The following TAF1C variants were observed in gnomAD, a reference collection of about 807,000 sequenced individuals.
TAF1C encodes the protein TATA-box binding protein associated factor, RNA polymerase I subunit C, also known as TATA box-binding protein-associated factor RNA polymerase I subunit C.
A neutral mutation model predicts 70.5 loss-of-function variants in TAF1C; 79 were observed. The ratio of observed to expected loss-of-function variants is 1.12; its 90% CI spans 0.93 to 1.35. The LOEUF is 1.35. Among genes scored for constraint, TAF1C ranks in the 40% most tolerant of loss-of-function variants. The pLI, the probability that TAF1C is intolerant of heterozygous loss-of-function variation, is 0.00. For missense variants in TAF1C, 1,412 were observed against 1,127.8 expected (o/e 1.25, Z -3.61); for synonymous variants, 614 against 491.1 (o/e 1.25, Z -3.31).
rs779954829 is a variant in TAF1C at position 84,183,372 on chromosome 16, C to G, written c.318+38G>C. Reference sequence around the variant, plus strand: ...GAGGCCAGGTCACTAAGCACAGTCTCCAGGCTACGCAGCACTGTCCCCCGT... The same window carrying G: ...GAGGCCAGGTCACTAAGCACAGTCTGCAGGCTACGCAGCACTGTCCCCCGT... On this transcript the variant is annotated intron_variant, in intron 4 of 14. Transcript: ENST00000566732. The G allele has an allele frequency of 6.8e-6, 11 of 1,613,782 alleles. No homozygotes were observed. The South Asian group carries it at 8.8e-5, about 13-fold the overall frequency.
chr16:84,186,354 G>A (rs1266125212), intron 1 of TAF1C, among the ~76,000 whole-genome samples: 3 of 152,194 alleles, frequency 2.0e-5, no homozygotes, highest in African/African-American at 4.8e-5. Context: ...AGAAGTTTGA[G>A]ACCAGTCCGG....
rs764266270 is a variant in TAF1C, at chr16:84,179,938, C to T, written c.1621+8G>A. 9.3e-6 allele frequency: 15 copies of T among 1,612,214 alleles called. No individual in the cohort carries two copies. Among genetic ancestry groups the T allele is most frequent in the African/African-American group, 1.3e-5 (1 of 74,888 alleles). On this transcript the variant is annotated splice_region_variant and intron_variant, in intron 14 of 14. Transcript: ENST00000566732. ...CGCCCCCCAAGCTCACTCCCCCACCCAGCACACCTATGGTCGGTGCTTTCA... is the reference window on the plus strand; with the variant it reads ...CGCCCCCCAAGCTCACTCCCCCACCTAGCACACCTATGGTCGGTGCTTTCA...
At chr16:84,185,915 T>A (rs1223864818) in intron 1 of TAF1C, among the ~76,000 whole-genome samples, 1 of 151,696 alleles carries the variant, frequency 6.6e-6, no homozygotes, top group Non-Finnish European at 1.5e-5. Flanking sequence ...AAAAAAAAAA[T>A]TACATCACAA....
chr16:84,177,888 C>G lies in TAF1C; in HGVS notation c.*1053G>C. Reference sequence around the variant, plus strand: ...ATAAATGGTTTAATCATAAATGTCTCCCTTAGGCATGATAAACATTTTAAC... The same window carrying G: ...ATAAATGGTTTAATCATAAATGTCTGCCTTAGGCATGATAAACATTTTAAC... On this transcript the variant is annotated 3_prime_UTR_variant, in exon 15 of 15. Transcript: ENST00000566732. 6.7e-7 allele frequency: 1 copy of G among 1,482,578 alleles called. No homozygotes were observed. The highest frequency in any genetic ancestry group is 9.4e-7 in the Non-Finnish European group (1 of 1,060,528). The allele number at this position is 1,482,578 out of a possible 1,614,324, so 91.8% of individuals were successfully genotyped here. A position where few individuals can be genotyped will look rare whatever the true frequency, so the allele number is the denominator to read the frequency against.
chr16:84,182,958 C>T lies in TAF1C; in HGVS notation c.482+118G>A. The T allele has an allele frequency of 1.0e-6, 1 of 993,984 alleles. No homozygotes were observed. Among genetic ancestry groups the T allele is most frequent in the Middle Eastern group, 2.1e-4 (1 of 4,788 alleles). 61.6% of individuals were successfully genotyped at this position (993,984 alleles called of 1,614,324 possible). On this transcript the variant is annotated intron_variant, in intron 6 of 14. Coordinates refer to ENST00000566732, the MANE Select transcript of TAF1C (RefSeq NM_001243156.2). This position sits in a 1 kb window ranked among gnomAD's most constrained non-coding sequence, Gnocchi z 5.0. ...CTGGTATAAGAAAGTACAGCTCAGA[C>T]TGCATGGAGCAGGGGGGAAGTGGGT...
Position 84,183,240 on chromosome 16 carries a change from T to C in TAF1C, c.408+4A>G. The C allele has an allele frequency of 1.2e-6, 2 of 1,613,956 alleles. No individual in the cohort carries two copies. The highest frequency in any genetic ancestry group is 1.7e-6 in the Non-Finnish European group (2 of 1,180,002). The stretch of plus-strand genomic sequence containing the variant: ...CCCCACCCCTGGAGTCACGGGCCAC[T>C]CACCCCCGCTCCCTCCAGCTTGAAA... On this transcript the variant is annotated splice_donor_region_variant and intron_variant, in intron 5 of 14. Transcript: ENST00000566732.
rs2088999319 is a variant in TAF1C at position 84,179,643 on chromosome 16, G to A, written c.1830C>T (p.Cys610=). The change falls in exon 15 of 15, where the codon TGC becomes TGT. Residue 610 remains cysteine (C), a synonymous_variant. Transcript: ENST00000566732. ...TTAGCAGGGCCTTCAGCCACTGGCT[G>A]CAGCCGGCAGTGTCCTGGGAGGTCC... ...ASWTSQDTAG[C]SQWLKALLKV... 2 of 1,612,484 alleles carry A rather than the reference G, an allele frequency of 1.2e-6. No homozygotes were observed. The highest frequency in any genetic ancestry group is 1.7e-6 in the Non-Finnish European group (2 of 1,179,880).
At chr16:84,184,691 G>A (rs1409037552) in intron 2 of TAF1C, among the ~76,000 whole-genome samples, 160 bp downstream of exon 2, 1 of 152,182 alleles carries the variant, frequency 6.6e-6, no homozygotes, top group Non-Finnish European at 1.5e-5. Context: ...GGATGGCAGG[G>A]TAGCCCATGT....
chr16:84,179,041 T>A lies in TAF1C; in HGVS notation c.2432A>T (p.His811Leu). 1 of 1,609,588 alleles carries A rather than the reference T, an allele frequency of 6.2e-7. No individual in the cohort carries two copies. Among genetic ancestry groups the A allele is most frequent in the Non-Finnish European group, 8.5e-7 (1 of 1,179,604 alleles). Residue 811 changes from histidine to leucine, a missense_variant, in exon 15 of 15, where the codon CAC becomes CTC. Transcript: ENST00000566732. ...DTPGCATTPP[H>L]SQASSVRATR... ...GGCCCGGACGCTGGAGGCCTGGGAG[T>A]GGGGAGGTGTGGTGGCACAGCCTGG...
chr16:84,180,684 G>T, intron 12 of TAF1C: 1 of 818,858 alleles, frequency 1.2e-6, no homozygotes, highest in Non-Finnish European at 1.7e-6. Context: ...GCACGCCTAC[G>T]AATGTCCCCG....
chr16:84,183,668 G>C (rs4150136), intron 3 of TAF1C, 29 bp downstream of exon 3: 44,344 of 1,598,324 alleles, frequency 0.028, 748 homozygotes, highest in Middle Eastern at 0.054. Flanking sequence ...GAGCAGTGTG[G>C]AGTGAGCCCG....
chr16:84,178,765 C>A lies in TAF1C; in HGVS notation c.*176G>T. On this transcript the variant is annotated 3_prime_UTR_variant, in exon 15 of 15. Transcript: ENST00000566732. The stretch of plus-strand genomic sequence containing the variant: ...ATACAAAATACAAAAGAAACTACTA[C>A]TGTATTTTGTTGCCCTGTCCCTTCA... The A allele has an allele frequency of 1.6e-6, 1 of 642,240 alleles. No homozygotes were observed. The highest frequency in any genetic ancestry group is 2.6e-6 in the Non-Finnish European group (1 of 378,780). The allele number at this position is 642,240 out of a possible 1,614,324, so 39.8% of individuals were successfully genotyped here. A position where few individuals can be genotyped will look rare whatever the true frequency, so the allele number is the denominator to read the frequency against.
Position 84,181,827 on chromosome 16 carries a change from A to G in TAF1C, c.875T>C (p.Val292Ala). The G allele has an allele frequency of 6.2e-7, 1 of 1,614,060 alleles. No individual in the cohort carries two copies. The highest frequency in any genetic ancestry group is 8.5e-7 in the Non-Finnish European group (1 of 1,180,024). The stretch of plus-strand genomic sequence containing the variant: ...CTGCCACTGTTTACCAAACTTCCAC[A>G]CGGCACAGTGGTAGTCAGAGCGGAC... ...LAVRSDYHCA[V>A]WKFGKQWQPT... Residue 292 changes from valine (V) to alanine (A), a missense_variant, in exon 9 of 15, where the codon GTG (valine) becomes GCG (alanine). Coordinates refer to ENST00000566732, the MANE Select transcript of TAF1C (RefSeq NM_001243156.2).
intron 2 of TAF1C, among the ~76,000 whole-genome samples, chr16:84,184,533 T>A (rs534720880): frequency 6.6e-6 from 1 of 152,332 alleles, no homozygotes; most frequent in East Asian, 1.9e-4. Context: ...TCACATTTTG[T>A]AAACACCTTA....
In TAF1C at chr16:84,181,107, G is replaced by C. The variant is rs912396377; in HGVS notation, c.1244C>G (p.Thr415Ser). The C allele has an allele frequency of 1.2e-6, 2 of 1,613,324 alleles. No homozygotes were observed. The highest frequency in any genetic ancestry group is 1.7e-6 in the Non-Finnish European group (2 of 1,179,394). ...GGGGCTGGAGTGCCCCAGGTACTGG[G>C]TAAGCAGGACACGTTCCCCTTTCTG... ...SCQKGERVLLTQYLGHSSPKC... is the reference protein window; with the variant it reads ...SCQKGERVLLSQYLGHSSPKC... Residue 415 changes from threonine (T) to serine (S), a missense_variant, in exon 12 of 15, where the codon ACC becomes AGC. Thr to Ser is a moderately conservative substitution (Grantham distance 58, BLOSUM62 1). Transcript: ENST00000566732.
intron 1 of TAF1C, among the ~76,000 whole-genome samples, chr16:84,186,345 G>T (rs1215012429): frequency 6.6e-6 from 1 of 152,230 alleles, no homozygotes; most frequent in East Asian, 1.9e-4. Flanking sequence ...CCTGAGGCCA[G>T]AAGTTTGAGA....
chr16:84,182,445 G>T lies in TAF1C; in HGVS notation c.483-5C>A. On this transcript the variant is annotated splice_polypyrimidine_tract_variant and splice_region_variant and intron_variant, in intron 6 of 14. Coordinates refer to ENST00000566732, the MANE Select transcript of TAF1C (RefSeq NM_001243156.2). The surrounding 1 kb of genome is among the most constrained non-coding windows in gnomAD (Gnocchi z 5.0). ...CTGAGGTAAGCCCAGGGACACCTGG[G>T]GACCAGAGAACAGCAGGAGGATCAC... 6.3e-7 allele frequency: 1 copy of T among 1,597,432 alleles called. No individual in the cohort carries two copies.
Position 84,181,340 on chromosome 16 carries a change from C to T in TAF1C, c.1152G>A (p.Met384Ile), listed in dbSNP as rs778982654. 9.3e-6 allele frequency: 15 copies of T among 1,613,594 alleles called. No individual in the cohort carries two copies. In the East Asian group the frequency reaches 3.1e-4, roughly 34 times the overall value. ...LTVGDRTGVKMLDTQGPPGCG... is the reference protein window; with the variant it reads ...LTVGDRTGVKILDTQGPPGCG... ...CGCCAGCCCGTACCTGAGTGTCCAG[C>T]ATCTTCACTCCGGTGCGGTCACCCA... Residue 384 changes from methionine (M) to isoleucine (I), a missense_variant, in exon 11 of 15, where the codon ATG becomes ATA. Coordinates refer to ENST00000566732, the MANE Select transcript of TAF1C (RefSeq NM_001243156.2).
chr16:84,178,795 G>T lies in TAF1C; in HGVS notation c.*146C>A. 3 of 806,824 alleles carry T rather than the reference G, an allele frequency of 3.7e-6. No individual in the cohort carries two copies. Among genetic ancestry groups the T allele is most frequent in the Non-Finnish European group, 5.7e-6 (3 of 523,026 alleles). 50.0% of individuals were successfully genotyped at this position (806,824 alleles called of 1,614,324 possible). On this transcript the variant is annotated 3_prime_UTR_variant, in exon 15 of 15. Coordinates refer to ENST00000566732, the MANE Select transcript of TAF1C (RefSeq NM_001243156.2). ...TTTTGTTGCCCTGTCCCTTCAACTT[G>T]GCTCCAAATTGCTTGGCTCATCATC... is the stretch of plus-strand genomic sequence containing the variant.
Sources: gnomAD v4.1 joint callset for allele counts (sites outside exome capture counted in the v4.1 genomes callset) on GRCh38, gnomAD v4.1.1 for gene constraint, Gnocchi (gnomAD v3.1) non-coding constraint, MANE v1.5 for transcripts, NCBI Gene and HGNC (gene_info 2026-07-23, HGNC 2026-07-21) for gene names.